ATP8B4: variants seen among roughly 807,000 people sequenced by gnomAD.
ATP8B4 encodes probable phospholipid-transporting ATPase IM.
In ATP8B4, 133 loss-of-function variants were observed where a neutral mutation model predicts 145.6. The observed-to-expected ratio is 0.91, with a 90% CI of 0.79 to 1.05. The LOEUF (loss-of-function observed/expected upper bound fraction) is 1.05, where lower values mean the gene tolerates loss of function less well. Among genes scored for constraint, ATP8B4 ranks in the 50% least tolerant of loss-of-function variants. The pLI is 0.00. For synonymous variants in ATP8B4, 507 were observed against 492.9 expected (o/e 1.03, Z -0.38); for missense variants, 1,458 against 1,425.2 (o/e 1.02, Z -0.37).
chr15:50,174,899 A>G (rs761758248), intron 1 of ATP8B4, among the ~76,000 whole-genome samples: 4 of 152,248 alleles, frequency 2.6e-5, no homozygotes. Flanking sequence ...AAACAATACT[A>G]TAAGGCTATA....
chr15:50,109,558 G>A (rs2056841519), intron 1 of ATP8B4, among the ~76,000 whole-genome samples: 1 of 151,936 alleles, frequency 6.6e-6, no homozygotes, highest in Admixed American at 6.6e-5. Context: ...AAATTCTCCA[G>A]TGGGACTAAG....
intron 6 of ATP8B4, among the ~76,000 whole-genome samples, chr15:50,031,023 A>C (rs2153592002): frequency 6.6e-6 from 1 of 152,346 alleles, no homozygotes; most frequent in East Asian, 1.9e-4. Context: ...CTGCCCAAGA[A>C]ATGATCAATC....
intron 1 of ATP8B4, among the ~76,000 whole-genome samples, chr15:50,150,800 A>G (rs1428132529): frequency 6.6e-6 from 1 of 152,258 alleles, no homozygotes; most frequent in Admixed American, 6.5e-5. Flanking sequence ...TAATAGTAAT[A>G]TGACAATTCT....
chr15:50,076,327 A>G (rs562793654), intron 2 of ATP8B4, among the ~76,000 whole-genome samples: 2 of 152,138 alleles, frequency 1.3e-5, no homozygotes, highest in South Asian at 4.1e-4. Flanking sequence ...CCTCATCTCT[A>G]CTAAAAATAC....
intron 5 of ATP8B4, among the ~76,000 whole-genome samples, chr15:50,043,326 A>G (rs2051451072): frequency 6.6e-6 from 1 of 152,176 alleles, no homozygotes; most frequent in African/African-American, 2.4e-5. Flanking sequence ...TATCTGACTT[A>G]TTTACATTAG....
rs143688108 is a variant in ATP8B4, at chr15:49,962,010, A to C, written c.1254T>G (p.His418Gln). Reference protein sequence around the residue: ...SINGRIYGEVHDDLDQKTEIT... With the variant: ...SINGRIYGEVQDDLDQKTEIT... ...TTTCTGTCTTCTGATCCAGGTCATCATGTACTTCACCTGACAAAACAAAAA... is the reference window on the plus strand; with the variant it reads ...TTTCTGTCTTCTGATCCAGGTCATCCTGTACTTCACCTGACAAAACAAAAA... The change falls in exon 14 of 28, where the codon CAT (histidine) becomes CAG (glutamine). Residue 418 changes from histidine to glutamine, a missense_variant. By Grantham distance (24) the His-to-Gln change is conservative. Transcript: ENST00000284509. 1.1e-5 allele frequency: 18 copies of C among 1,594,586 alleles called. No homozygotes were observed. Among genetic ancestry groups the C allele is most frequent in the Non-Finnish European group, 1.5e-5 (18 of 1,174,008 alleles).
intron 19 of ATP8B4, among the ~76,000 whole-genome samples, chr15:49,917,516 T>C (rs2039865494): frequency 1.3e-5 from 2 of 152,110 alleles, no homozygotes; most frequent in African/African-American, 4.8e-5. Flanking sequence ...TCTTATGAAA[T>C]TTTTATAGTT....
At chr15:50,173,123 C>T (rs1297272525) in intron 1 of ATP8B4, among the ~76,000 whole-genome samples, 2 of 150,968 alleles carry the variant, frequency 1.3e-5, no homozygotes, top group South Asian at 4.2e-4. Flanking sequence ...AGGTGGGGGG[C>T]GCCTCTGCCC....
chr15:50,084,242 G>C (rs11070747), intron 2 of ATP8B4, among the ~76,000 whole-genome samples: 58,947 of 152,020 alleles, frequency 0.39, 12,397 homozygotes, highest in East Asian at 0.69. Flanking sequence ...CATCTCAGCT[G>C]TTCCTTCTAA....
chr15:49,928,500 C>T (rs1019591293), intron 16 of ATP8B4, among the ~76,000 whole-genome samples: 5 of 152,000 alleles, frequency 3.3e-5, no homozygotes, highest in African/African-American at 7.2e-5. Flanking sequence ...TAATTTTGCA[C>T]GTCATACTAA....
At chr15:49,918,436 A>G (rs2039953402) in intron 19 of ATP8B4, among the ~76,000 whole-genome samples, 1 of 152,228 alleles carries the variant, frequency 6.6e-6, no homozygotes, top group Non-Finnish European at 1.5e-5. Context: ...AGATCCTTCA[A>G]ATTCCCCACC....
At position 50,145,530 on chromosome 15, in the gene ATP8B4, C is replaced by T. The variant is rs142252819; in HGVS notation, c.-43+36731G>A. Among the ~76,000 whole-genome samples, 184 of 152,246 alleles carry T rather than the reference C, an allele frequency of 1.2e-3. 1 individual carries two copies. The highest frequency in any genetic ancestry group is 1.2e-3 in the Non-Finnish European group (85 of 68,030). On this transcript the variant is annotated intron_variant, in intron 1 of 3. Transcript: ENST00000558829. ...CACAGCTCATCATTCCATGTAGGTG[C>T]GTCACCCTATCCCAGAACACAAAGG... is the stretch of plus-strand genomic sequence containing the variant.
chr15:50,099,125 G>A (rs2056184007), intron 2 of ATP8B4, among the ~76,000 whole-genome samples: 1 of 151,946 alleles, frequency 6.6e-6, no homozygotes, highest in Admixed American at 6.6e-5. Flanking sequence ...CCCACATTTT[G>A]GAATAAAGAA....
intron 20 of ATP8B4, among the ~76,000 whole-genome samples, chr15:49,911,296 A>T (rs2039204096): frequency 6.6e-6 from 1 of 152,066 alleles, no homozygotes; most frequent in Non-Finnish European, 1.5e-5. Flanking sequence ...CTGTAAAGAC[A>T]CCTATAGACT....
intron 12 of ATP8B4, among the ~76,000 whole-genome samples, chr15:49,973,819 A>T (rs991784252): frequency 3.3e-5 from 5 of 152,222 alleles, no homozygotes; most frequent in African/African-American, 1.2e-4. Context: ...CAGATTATTA[A>T]GAATTATCTT....
At chr15:49,969,998 T>C (rs1026617539) in intron 13 of ATP8B4, among the ~76,000 whole-genome samples, 1 of 152,120 alleles carries the variant, frequency 6.6e-6, no homozygotes, top group Admixed American at 6.6e-5. Context: ...ATCCATCACA[T>C]AAACAGAACC....
intron 2 of ATP8B4, among the ~76,000 whole-genome samples, chr15:50,087,812 A>T (rs2055320028): frequency 1.3e-5 from 2 of 152,138 alleles, no homozygotes; most frequent in Admixed American, 1.3e-4. Flanking sequence ...ACCAAAGGAA[A>T]AACTGAATTA....
chr15:50,127,772 G>T (rs2057316934), intron 1 of ATP8B4, among the ~76,000 whole-genome samples: 1 of 152,214 alleles, frequency 6.6e-6, no homozygotes, highest in Non-Finnish European at 1.5e-5. Flanking sequence ...GTTCAAGGCA[G>T]CTCTAGGACC....
intron 3 of ATP8B4, among the ~76,000 whole-genome samples, chr15:50,059,277 T>C (rs1418538787): frequency 2.6e-5 from 4 of 152,134 alleles, no homozygotes; most frequent in Non-Finnish European, 5.9e-5. Flanking sequence ...GGTGAGAAGA[T>C]GCACAGCGAG....
Sources: allele counts gnomAD v4.1 joint callset (sites outside exome capture counted in the v4.1 genomes callset), GRCh38; gene constraint gnomAD v4.1.1; transcripts MANE v1.5; gene names NCBI Gene and HGNC (gene_info 2026-07-23, HGNC 2026-07-21).